The following C19orf44 variants were observed in gnomAD, a reference collection of about 807,000 sequenced individuals.
C19orf44 encodes the protein chromosome 19 open reading frame 44.
In C19orf44, 43 loss-of-function variants were observed where a neutral mutation model predicts 50.7. The ratio of observed to expected loss-of-function variants is 0.85; its 90% CI spans 0.66 to 1.09. The LOEUF is 1.09. Among genes scored for constraint, C19orf44 ranks in the 50% least tolerant of loss-of-function variants. C19orf44 has a pLI of 0.00. For missense variants in C19orf44, 722 were observed against 836.2 expected (o/e 0.86, Z 1.68); for synonymous variants, 298 against 334.7 (o/e 0.89, Z 1.20).
Position 16,520,308 on chromosome 19 carries a change from G to A in C19orf44, c.*255G>A, listed in dbSNP as rs147442106. On this transcript the variant is annotated 3_prime_UTR_variant, in exon 9 of 9. Coordinates refer to ENST00000221671, the MANE Select transcript of C19orf44 (RefSeq NM_032207.4). This position sits in a 1 kb window ranked among gnomAD's most constrained non-coding sequence, Gnocchi z 4.0. ...CAAGGGTCAGCAGCAGCCAGGCGTCGTGGGGAGGCCACAGGAAGAGGCCTC... is the reference window on the plus strand; with the variant it reads ...CAAGGGTCAGCAGCAGCCAGGCGTCATGGGGAGGCCACAGGAAGAGGCCTC... The A allele has an allele frequency of 2.0e-5, 33 of 1,611,276 alleles. No homozygotes were observed. Among genetic ancestry groups the A allele is most frequent in the African/African-American group, 1.5e-4 (11 of 74,962 alleles).
In C19orf44 at chr19:16,509,743, G is replaced by C. The variant is rs1232382037; in HGVS notation, c.1394G>C (p.Ser465Thr). Residue 465 changes from serine (S) to threonine (T), a missense_variant, in exon 5 of 9, where the codon AGC becomes ACC. Coordinates refer to ENST00000221671, the MANE Select transcript of C19orf44 (RefSeq NM_032207.4). ...GAAGCCCCCATGGTGAACACAGTCA[G>C]CTCAGCTTATTCGGAGGATTTTGAA... ...PSEAPMVNTV[S>T]SAYSEDFENS... 6.2e-7 allele frequency: 1 copy of C among 1,614,258 alleles called. No homozygotes were observed. Among genetic ancestry groups the C allele is most frequent in the South Asian group, 1.1e-5 (1 of 91,086 alleles).
chr19:16,514,519 C>T lies in C19orf44; in HGVS notation c.1758C>T (p.Ala586=), dbSNP rs1200496020. 1.8e-5 allele frequency: 29 copies of T among 1,611,342 alleles called. No homozygotes were observed. The highest frequency in any genetic ancestry group is 1.6e-4 in the Middle Eastern group (1 of 6,078). Residue 586 remains alanine (A), a synonymous_variant, in exon 7 of 9, where the codon GCC becomes GCT. Transcript: ENST00000221671. Reference sequence around the variant, plus strand: ...CAGCCCTGACCGCTTACAGCCCGGCCGTGCTGGCACTCCATGATGTGCTGA... The same window carrying T: ...CAGCCCTGACCGCTTACAGCCCGGCTGTGCTGGCACTCCATGATGTGCTGA... ...AIEALTAYSP[A]VLALHDVLKQ...
chr19:16,507,037 C>T (rs1374812536), intron 4 of C19orf44, among the ~76,000 whole-genome samples: 1 of 152,090 alleles, frequency 6.6e-6, no homozygotes, highest in Non-Finnish European at 1.5e-5. Flanking sequence ...TTCAAATCTG[C>T]CCCCCAGGGG....
At chr19:16,513,560 T>G (rs1323089736) in intron 6 of C19orf44, among the ~76,000 whole-genome samples, 1 of 152,036 alleles carries the variant, frequency 6.6e-6, no homozygotes, top group Non-Finnish European at 1.5e-5. Context: ...ATTTTTGTAT[T>G]TTTAGTACAG....
At chr19:16,496,741 G>C (rs1230621691) in intron 1 of C19orf44, 1 of 153,986 alleles carries the variant, frequency 6.5e-6, no homozygotes, top group Non-Finnish European at 1.5e-5. Context: ...ACATACCATA[G>C]TGTTCGCCAC....
rs770540187 is a variant in C19orf44, at chr19:16,503,261, C to T, written c.956C>T (p.Ala319Val). ...ACGCCGTCAGTTTCCATCACAGGCG[C>T]CTTTTCAAACTCAGTGTCTTTAAAG... ...SHTPSVSITG[A>V]FSNSVSLKMG... is the part of the protein sequence containing the mutation. Residue 319 changes from alanine (A) to valine (V), a missense_variant, in exon 3 of 9, where the codon GCC (alanine) becomes GTC (valine). By Grantham distance (64) the Ala-to-Val change is moderately conservative. Coordinates refer to ENST00000221671, the MANE Select transcript of C19orf44 (RefSeq NM_032207.4). The T allele has an allele frequency of 6.2e-7, 1 of 1,614,030 alleles. No individual in the cohort carries two copies. The highest frequency in any genetic ancestry group is 2.2e-5 in the East Asian group (1 of 44,890).
At chr19:16,518,732 G>A in intron 8 of C19orf44, 1 of 211,528 alleles carries the variant, frequency 4.7e-6, no homozygotes, top group South Asian at 7.3e-5. Flanking sequence ...GGTGCGGGGA[G>A]CTGGAGGAAG....
At chr19:16,513,520 A>AT (rs1479219385) in intron 6 of C19orf44, among the ~76,000 whole-genome samples, 1 of 151,944 alleles carries the variant, frequency 6.6e-6, no homozygotes, top group East Asian at 1.9e-4. Flanking sequence ...AGTAGCTGGG[A>AT]TTACAGGCAC....
chr19:16,501,926 T>TTTTA (rs2093426700), intron 2 of C19orf44, among the ~76,000 whole-genome samples: 1 of 150,266 alleles, frequency 6.7e-6, no homozygotes. Context: ...TTTTTTTTTT[T>TTTTA]GAGACCAAGT....
chr19:16,498,884 A>C (rs1000143985), intron 1 of C19orf44, among the ~76,000 whole-genome samples: 1 of 150,992 alleles, frequency 6.6e-6, no homozygotes, highest in Non-Finnish European at 1.5e-5. Flanking sequence ...GTTAGCCAGG[A>C]TGGTCTCTAT....
chr19:16,497,496 G>C (rs1367708246), intron 1 of C19orf44, among the ~76,000 whole-genome samples: 2 of 151,604 alleles, frequency 1.3e-5, no homozygotes, highest in Non-Finnish European at 2.9e-5. Flanking sequence ...GATTACAGGC[G>C]CATGACACCA....
intron 3 of C19orf44, among the ~76,000 whole-genome samples, chr19:16,504,613 T>C (rs1218395685): frequency 1.3e-5 from 2 of 151,064 alleles, no homozygotes; most frequent in Non-Finnish European, 3.0e-5. Context: ...GTTTTTTTTT[T>C]TGTTTGTTTG....
rs761576423 is a variant in C19orf44 at position 16,503,336 on chromosome 19, C to T, written c.1031C>T (p.Thr344Ile). ...TCCCCGGGAAGGAGTGAGGCTGAGA[C>T]TGTGGACGAGCCAGTCTCAGAAGGT... The part of the protein sequence containing the change: ...VSSPGRSEAE[T>I]VDEPVSEGAD... Residue 344 changes from threonine to isoleucine, a missense_variant, in exon 3 of 9, where the codon ACT (threonine) becomes ATT (isoleucine). Coordinates refer to ENST00000221671, the MANE Select transcript of C19orf44 (RefSeq NM_032207.4). 1 of 1,612,890 alleles carries T rather than the reference C, an allele frequency of 6.2e-7. No individual in the cohort carries two copies. The highest frequency in any genetic ancestry group is 1.1e-5 in the South Asian group (1 of 90,950).
chr19:16,519,398 TG>T lies in C19orf44; in HGVS notation c.*41-691del. The stretch of plus-strand genomic sequence containing the variant: ...ACAACCACAACAAGGCGGAGGCAGA[TG>T]GGGGTGCACGTGGGGGGCTGAATGT... On this transcript the variant is annotated intron_variant, in intron 8 of 8. Coordinates refer to ENST00000221671, the MANE Select transcript of C19orf44 (RefSeq NM_032207.4). The surrounding 1 kb of genome is among the most constrained non-coding windows in gnomAD (Gnocchi z 6.0). 6.3e-7 allele frequency: 1 copy of T among 1,578,716 alleles called. No individual in the cohort carries two copies.
intron 7 of C19orf44, among the ~76,000 whole-genome samples, chr19:16,515,492 T>C (rs377365437): frequency 2.0e-4 from 31 of 152,364 alleles, no homozygotes; most frequent in East Asian, 1.3e-3. Context: ...TATATACTCC[T>C]TCAGACTCTT....
chr19:16,519,327 A>T lies in C19orf44; in HGVS notation c.*41-767A>T, dbSNP rs570874567. 2.7e-5 allele frequency: 43 copies of T among 1,613,054 alleles called. No homozygotes were observed. The East Asian group carries it at 9.4e-4, about 35-fold the overall frequency. On this transcript the variant is annotated intron_variant, in intron 8 of 8. Coordinates refer to ENST00000221671, the MANE Select transcript of C19orf44 (RefSeq NM_032207.4). The surrounding 1 kb of genome is among the most constrained non-coding windows in gnomAD (Gnocchi z 6.0). ...GGTCCTGGATCCCTTGCTCCTTCGC[A>T]CCGAGGCCGCCTGAGCCGCTCCAGC...
At chr19:16,514,924 GA>G in intron 7 of C19orf44, among the ~76,000 whole-genome samples, 1 of 152,198 alleles carries the variant, frequency 6.6e-6, no homozygotes, top group Admixed American at 6.5e-5. Context: ...AGACTAAAGG[GA>G]CCTACTGTTC....
chr19:16,517,993 A>C (rs1378156543), intron 8 of C19orf44: 1 of 152,242 alleles, frequency 6.6e-6, no homozygotes, highest in African/African-American at 2.4e-5. Flanking sequence ...ACATTTTAAC[A>C]ATTCACAGCT....
intron 1 of C19orf44, among the ~76,000 whole-genome samples, chr19:16,498,563 TG>T (rs1599726230): frequency 1.3e-5 from 2 of 149,344 alleles, no homozygotes; most frequent in East Asian, 4.0e-4. Flanking sequence ...GGATTACAGG[TG>T]TGAGCCACTG....
Sources: gnomAD v4.1 joint callset for allele counts (sites outside exome capture counted in the v4.1 genomes callset) on GRCh38, gnomAD v4.1.1 for gene constraint, Gnocchi (gnomAD v3.1) non-coding constraint, MANE v1.5 for transcripts, NCBI Gene and HGNC (gene_info 2026-07-23, HGNC 2026-07-21) for gene names.